Variants in BBX observed in about 807,000 individuals in gnomAD.
BBX encodes BBX high mobility group box domain containing, also known as HMG box transcription factor BBX.
In BBX, 30 loss-of-function variants were observed where a neutral mutation model predicts 100.2. The observed-to-expected ratio is 0.30, with a 90% CI of 0.22 to 0.41. BBX has a LOEUF of 0.41. Ranked by LOEUF, BBX falls within the 10% of genes least tolerant of loss-of-function variation. The pLI is 1.00. For synonymous variants in BBX, 376 were observed against 388.1 expected (o/e 0.97, Z 0.37); for missense variants, 1,023 against 1,129.8 (o/e 0.91, Z 1.35).
intron 5 of BBX, among the ~76,000 whole-genome samples, chr3:107,722,870 A>G (rs918027435): frequency 6.6e-6 from 1 of 152,006 alleles, no homozygotes; most frequent in Non-Finnish European, 1.5e-5. Flanking sequence ...TAAGGAAGTA[A>G]CAGATTAGTA....
chr3:107,561,135 G>GCAAA (rs1440541696), intron 2 of BBX, among the ~76,000 whole-genome samples: 1 of 152,204 alleles, frequency 6.6e-6, no homozygotes, highest in East Asian at 1.9e-4. Flanking sequence ...CAGCATGCTA[G>GCAAA]CAAACCCAAG....
intron 4 of BBX, among the ~76,000 whole-genome samples, chr3:107,715,168 A>G (rs1198175336): frequency 6.6e-6 from 1 of 152,176 alleles, no homozygotes. Context: ...AAACATTGTA[A>G]TAAAAGAACA....
chr3:107,749,070 G>C (rs866301680), intron 9 of BBX, among the ~76,000 whole-genome samples: 21 of 152,034 alleles, frequency 1.4e-4, no homozygotes, highest in African/African-American at 4.8e-4. Flanking sequence ...CGGTTGGCCT[G>C]CTTATGTATT....
At chr3:107,584,388 T>C (rs969138523) in intron 2 of BBX, among the ~76,000 whole-genome samples, 5 of 149,126 alleles carry the variant, frequency 3.4e-5, no homozygotes, top group Non-Finnish European at 5.9e-5. Flanking sequence ...CATTTTAGAA[T>C]TAAAAATAGT....
intron 3 of BBX, chr3:107,661,806 C>G: frequency 1.4e-5 from 12 of 849,100 alleles, no homozygotes; most frequent in Non-Finnish European, 1.7e-5. Context: ...TGTCTCTGGT[C>G]TCTGTGTTTT....
intron 2 of BBX, among the ~76,000 whole-genome samples, chr3:107,586,324 G>A (rs1280137054): frequency 1.3e-5 from 2 of 152,104 alleles, no homozygotes; most frequent in African/African-American, 4.8e-5. Context: ...TTGTACATAC[G>A]TATTCTGGTA....
In BBX at chr3:107,809,517, G is replaced by T. The variant is rs890056025; in HGVS notation, c.*4060G>T. The T allele has an allele frequency of 6.6e-6, 1 of 152,168 alleles. No individual in the cohort carries two copies. The highest frequency in any genetic ancestry group is 2.4e-5 in the African/African-American group (1 of 41,434). 9.4% of individuals were successfully genotyped at this position (152,168 alleles called of 1,614,324 possible). A position where few individuals can be genotyped will look rare whatever the true frequency, so the allele number is the denominator to read the frequency against. On this transcript the variant is annotated 3_prime_UTR_variant, in exon 18 of 18. Transcript: ENST00000325805. ...ACTGCTCCACAGAGCCCTCATATAA[G>T]GCCAATCCTAATGGGCTACCTCGGC...
rs143916776 is a variant in BBX at position 107,761,751 on chromosome 3, G to T, written c.906+6073G>T. ...AGAAGAGTGGAAAAAGGAGAAGATT[G>T]CTAGCCAAGTAAATAGTTGAGTTTA... On this transcript the variant is annotated intron_variant, in intron 10 of 17. Transcript: ENST00000325805. 2.4e-3 allele frequency among the ~76,000 whole-genome samples: 361 copies of T among 152,256 alleles called. 2 individuals carry two copies. The highest frequency in any genetic ancestry group is 7.1e-3 in the African/African-American group (295 of 41,536).
intron 4 of BBX, among the ~76,000 whole-genome samples, 182 bp downstream of exon 4, chr3:107,710,804 T>C (rs749773697): frequency 6.6e-6 from 1 of 152,212 alleles, no homozygotes; most frequent in Non-Finnish European, 1.5e-5. Flanking sequence ...GTATTTGTAC[T>C]TCCTAATAGT....
At chr3:107,536,878 A>G (rs916762558) in intron 2 of BBX, among the ~76,000 whole-genome samples, 3 of 152,148 alleles carry the variant, frequency 2.0e-5, no homozygotes, top group Non-Finnish European at 1.5e-5. Context: ...ATATAAATTA[A>G]TCTGTGCTAA....
chr3:107,677,428 T>C (rs2059337555), intron 3 of BBX: 1 of 152,138 alleles, frequency 6.6e-6, no homozygotes, highest in South Asian at 2.1e-4. Flanking sequence ...CAAATACAGA[T>C]GCTCTTTGAC....
rs532589301 is a variant in BBX, at chr3:107,545,005, G to A, written c.-84+18607G>A. Among the ~76,000 whole-genome samples the A allele has an allele frequency of 2.3e-3, 355 of 151,524 alleles. 1 individual carries two copies. Among genetic ancestry groups the A allele is most frequent in the Non-Finnish European group, 4.3e-3 (290 of 67,900 alleles). On this transcript the variant is annotated intron_variant, in intron 2 of 17. Coordinates refer to ENST00000325805, the MANE Select transcript of BBX (RefSeq NM_001142568.3). Reference sequence around the variant, plus strand: ...TACTCGAGCCTGGGCAACAGAGCGAGACTCCGTCTCAAAAAAAAAAAAATT... The same window carrying A: ...TACTCGAGCCTGGGCAACAGAGCGAAACTCCGTCTCAAAAAAAAAAAAATT...
chr3:107,632,502 G>C (rs905713097), intron 2 of BBX, among the ~76,000 whole-genome samples: 5 of 152,024 alleles, frequency 3.3e-5, no homozygotes, highest in Admixed American at 3.3e-4. Flanking sequence ...TTTAATTTAG[G>C]GTTGTTGGAA....
rs2071257512 is a variant in BBX, at chr3:107,810,870, G to T, written c.*5413G>T. On this transcript the variant is annotated 3_prime_UTR_variant, in exon 18 of 18. Coordinates refer to ENST00000325805, the MANE Select transcript of BBX (RefSeq NM_001142568.3). ...AACCACAGCTTCATTTGACCACCAGGTCTAAAGTCTGTTGACAGTTTCAGC... is the reference window on the plus strand; with the variant it reads ...AACCACAGCTTCATTTGACCACCAGTTCTAAAGTCTGTTGACAGTTTCAGC... 6.6e-6 allele frequency: 1 copy of T among 151,844 alleles called. No homozygotes were observed. The highest frequency in any genetic ancestry group is 2.4e-5 in the African/African-American group (1 of 41,332). 9.4% of individuals were successfully genotyped at this position (151,844 alleles called of 1,614,324 possible).
chr3:107,585,709 T>G (rs1404214055), intron 2 of BBX, among the ~76,000 whole-genome samples: 1 of 152,208 alleles, frequency 6.6e-6, no homozygotes, highest in African/African-American at 2.4e-5. Flanking sequence ...CATAACCACT[T>G]GAAAAAATAA....
intron 3 of BBX, chr3:107,662,793 A>T (rs978381886): frequency 6.6e-6 from 1 of 152,096 alleles, no homozygotes; most frequent in Non-Finnish European, 1.5e-5. Context: ...ACGTTGGGCA[A>T]TCTACTTCAC....
At chr3:107,793,393 G>T (rs2069261560) in intron 15 of BBX, among the ~76,000 whole-genome samples, 1 of 152,136 alleles carries the variant, frequency 6.6e-6, no homozygotes, top group African/African-American at 2.4e-5. Flanking sequence ...ATTGTTTAGT[G>T]TAGAGTACAA....
chr3:107,803,441 A>G (rs552846532), intron 17 of BBX, among the ~76,000 whole-genome samples: 2 of 152,170 alleles, frequency 1.3e-5, no homozygotes, highest in African/African-American at 4.8e-5. Flanking sequence ...TTCAGCATCA[A>G]CTCGGTTCAT....
At position 107,693,280 on chromosome 3, in the gene BBX, A is replaced by G. The variant is rs558558693; in HGVS notation, c.-9-17172A>G. 1.6e-4 allele frequency among the ~76,000 whole-genome samples: 25 copies of G among 151,940 alleles called. No individual in the cohort carries two copies. The South Asian group carries it at 4.6e-3, about 28-fold the overall frequency. On this transcript the variant is annotated intron_variant, in intron 3 of 17. Transcript: ENST00000325805. The stretch of plus-strand genomic sequence containing the variant: ...AGACATGAAGTCCTTGTCCATGCCT[A>G]TGTCCTGAATGGTAATGCCTAGGTT...
Sources: allele counts gnomAD v4.1 joint callset (sites outside exome capture counted in the v4.1 genomes callset), GRCh38; gene constraint gnomAD v4.1.1; transcripts MANE v1.5; gene names NCBI Gene and HGNC (gene_info 2026-07-23, HGNC 2026-07-21).